Variants in PLB1 observed in about 807,000 individuals in gnomAD.
PLB1 encodes the protein phospholipase B1, membrane-associated.
In PLB1, 242 loss-of-function variants were observed where a neutral mutation model predicts 227.4. The ratio of observed to expected loss-of-function variants is 1.06; its 90% CI spans 0.96 to 1.18. The LOEUF is 1.18. PLB1 is among the 50% of genes most tolerant of loss of function. PLB1 has a pLI of 0.00. For missense variants in PLB1, 1,858 were observed against 1,816.3 expected (o/e 1.02, Z -0.42); for synonymous variants, 757 against 682.2 (o/e 1.11, Z -1.71).
intron 32 of PLB1, 89 bp from the exon 33 acceptor site, chr2:28,593,592 G>A (rs1467629337): frequency 1.8e-6 from 2 of 1,113,986 alleles, no homozygotes; most frequent in Admixed American, 1.9e-5. Flanking sequence ...AGTGCATTGG[G>A]AACCCCCTCT....
chr2:28,541,185 T>A (rs148179669), intron 12 of PLB1, among the ~76,000 whole-genome samples: 4 of 149,994 alleles, frequency 2.7e-5, no homozygotes, highest in Non-Finnish European at 5.9e-5. Flanking sequence ...AATAAATAAA[T>A]TAAATAAATA....
chr2:28,524,721 G>A (rs1459277586), intron 4 of PLB1, among the ~76,000 whole-genome samples: 1 of 152,072 alleles, frequency 6.6e-6, no homozygotes, highest in Non-Finnish European at 1.5e-5. Flanking sequence ...TCTAAGTGGA[G>A]GAAAACGTCC....
chr2:28,567,296 C>G (rs1677130545), intron 20 of PLB1, among the ~76,000 whole-genome samples: 1 of 152,088 alleles, frequency 6.6e-6, no homozygotes, highest in Non-Finnish European at 1.5e-5. Context: ...GCACCTGGGG[C>G]GCAGGCACAG....
At chr2:28,543,417 T>C in intron 14 of PLB1, 149 bp downstream of exon 14, 1 of 821,318 alleles carries the variant, frequency 1.2e-6, no homozygotes, top group East Asian at 2.8e-5. Flanking sequence ...TGTCTCCCGG[T>C]GACGCCCCTC....
intron 25 of PLB1, among the ~76,000 whole-genome samples, chr2:28,585,365 T>C (rs1413762434): frequency 6.6e-6 from 1 of 151,714 alleles, no homozygotes; most frequent in Non-Finnish European, 1.5e-5. Flanking sequence ...AACCTCCGCC[T>C]CCCGGGTTCA....
At chr2:28,555,352 G>A (rs1455504734) in intron 17 of PLB1, among the ~76,000 whole-genome samples, 2 of 152,022 alleles carry the variant, frequency 1.3e-5, no homozygotes. Context: ...ATGTTGGCCA[G>A]GCTGGTCTTG....
chr2:28,613,997 A>G (rs375562387), intron 43 of PLB1, 34 bp from the exon 44 acceptor site: 2 of 1,565,110 alleles, frequency 1.3e-6, no homozygotes, highest in South Asian at 2.2e-5. Context: ...CAGTGCTGTC[A>G]GATAACTTCT....
At chr2:28,603,400 C>A (rs1053493889) in intron 39 of PLB1, among the ~76,000 whole-genome samples, 12 of 152,162 alleles carry the variant, frequency 7.9e-5, no homozygotes, top group Non-Finnish European at 1.3e-4. Context: ...TTTTATTATT[C>A]TTTATATCTT....
chr2:28,511,635 G>T (rs1316748761), intron 1 of PLB1, among the ~76,000 whole-genome samples: 1 of 152,074 alleles, frequency 6.6e-6, no homozygotes, highest in Non-Finnish European at 1.5e-5. Flanking sequence ...TTTGGTTTTA[G>T]AACTACACCT....
In PLB1 at chr2:28,573,214, A is replaced by G; in HGVS notation, c.1342A>G (p.Asn448Asp). Reference sequence around the variant, plus strand: ...ATTTGCAGACATCCTCCGGGAATTCAACCCTTCCCTGAAGGGCTTCTCTGT... The same window carrying G: ...ATTTGCAGACATCCTCCGGGAATTCGACCCTTCCCTGAAGGGCTTCTCTGT... ...TTLANILREF[N>D]PSLKGFSVGT... The change falls in exon 21 of 58, where the codon AAC (asparagine) becomes GAC (aspartate). Residue 448 changes from asparagine to aspartate, a missense_variant. By Grantham distance (23) the Asn-to-Asp change is conservative (BLOSUM62 1). Coordinates refer to ENST00000327757, the MANE Select transcript of PLB1 (RefSeq NM_153021.5). The G allele has an allele frequency of 6.2e-7, 1 of 1,613,854 alleles. No homozygotes were observed. The highest frequency in any genetic ancestry group is 1.7e-4 in the Middle Eastern group (1 of 6,030).
intron 56 of PLB1, among the ~76,000 whole-genome samples, chr2:28,634,736 C>G (rs1689095450): frequency 1.3e-5 from 2 of 152,134 alleles, no homozygotes; most frequent in African/African-American, 4.8e-5. Context: ...AGGGGAGATT[C>G]TGTCTCTACA....
intron 50 of PLB1, among the ~76,000 whole-genome samples, chr2:28,626,207 G>A (rs1687750461): frequency 6.6e-6 from 1 of 152,060 alleles, no homozygotes; most frequent in African/African-American, 2.4e-5. Context: ...TGTTGGCCAG[G>A]CTGGTCTCGA....
At chr2:28,506,754 A>G (rs1415445819) in intron 1 of PLB1, among the ~76,000 whole-genome samples, 1 of 152,182 alleles carries the variant, frequency 6.6e-6, no homozygotes, top group African/African-American at 2.4e-5. Context: ...CAGACATAAA[A>G]GGTCATGAGT....
chr2:28,504,097 A>G (rs1234887229), intron 1 of PLB1, among the ~76,000 whole-genome samples: 1 of 152,122 alleles, frequency 6.6e-6, no homozygotes, highest in East Asian at 1.9e-4. Flanking sequence ...CTCAACCAGT[A>G]TCTCTTGAAA....
chr2:28,580,302 A>AAAC (rs1413746101), intron 23 of PLB1, among the ~76,000 whole-genome samples: 9 of 152,234 alleles, frequency 5.9e-5, no homozygotes, highest in African/African-American at 2.2e-4. Flanking sequence ...GTGGTGAAGG[A>AAAC]AACACAGGCC....
intron 34 of PLB1, among the ~76,000 whole-genome samples, chr2:28,598,263 A>G (rs1294611346): frequency 2.0e-5 from 3 of 152,126 alleles, no homozygotes; most frequent in African/African-American, 7.2e-5. Flanking sequence ...TGGTGCTTCA[A>G]TCCCTGGTGC....
Position 28,592,757 on chromosome 2 carries a change from T to C in PLB1, c.2247+38T>C, listed in dbSNP as rs771897768. On this transcript the variant is annotated intron_variant, in intron 32 of 57. Transcript: ENST00000327757. ...GGGCCCCAGGTGGTTTGGGGATAAC[T>C]AGGCCAGCTCCAGATCCCAGTCCTC... 38 of 1,594,058 alleles carry C rather than the reference T, an allele frequency of 2.4e-5. No individual in the cohort carries two copies. In the South Asian group the frequency reaches 3.5e-4, roughly 15 times the overall value.
At chr2:28,558,063 G>A (rs1675415899) in intron 17 of PLB1, among the ~76,000 whole-genome samples, 1 of 152,052 alleles carries the variant, frequency 6.6e-6, no homozygotes, top group African/African-American at 2.4e-5. Context: ...GATGACGTCA[G>A]GCACTTTCAG....
Position 28,598,716 on chromosome 2 carries a change from C to A in PLB1, c.2430C>A (p.Asp810Glu), listed in dbSNP as rs780586837. 3 of 1,614,218 alleles carry A rather than the reference C, an allele frequency of 1.9e-6. No individual in the cohort carries two copies. The highest frequency in any genetic ancestry group is 2.2e-5 in the South Asian group (2 of 91,086). ...CCGTGGGCACGGGTGATGCCAATGA[C>A]ACGAATGCATTCCTCAATCAAGCTG... ...GYAVGTGDAN[D>E]TNAFLNQAVP... Residue 810 changes from aspartate (D) to glutamate (E), a missense_variant, in exon 35 of 58, where the codon GAC (aspartate) becomes GAA (glutamate). Physicochemically the swap from Asp to Glu is conservative, Grantham distance 45. Transcript: ENST00000327757.
Sources: gnomAD v4.1 joint callset for allele counts (sites outside exome capture counted in the v4.1 genomes callset) on GRCh38, gnomAD v4.1.1 for gene constraint, MANE v1.5 for transcripts, NCBI Gene and HGNC (gene_info 2026-07-23, HGNC 2026-07-21) for gene names.